Variants in TULP4 observed in about 807,000 individuals in gnomAD.
The protein encoded by TULP4 is TUB like protein 4, also known as tubby-related protein 4.
In TULP4, 16 loss-of-function variants were observed where a neutral mutation model predicts 129.0. The observed-to-expected ratio is 0.12, with a 90% CI of 0.08 to 0.19. The LOEUF is 0.19. TULP4 is among the 10% of genes least tolerant of loss of function. The pLI, the probability that TULP4 is intolerant of heterozygous loss-of-function variation, is 1.00. For synonymous variants in TULP4, 998 were observed against 854.0 expected (o/e 1.17, Z -2.94); for missense variants, 1,842 against 2,059.1 (o/e 0.89, Z 2.04).
At position 158,502,277 on chromosome 6, in the gene TULP4, C is replaced by A. The variant is rs749910397; in HGVS notation, c.2614C>A (p.Leu872Ile). The A allele has an allele frequency of 2.5e-6, 4 of 1,612,184 alleles. No individual in the cohort carries two copies. The highest frequency in any genetic ancestry group is 3.4e-6 in the Non-Finnish European group (4 of 1,179,260). ...DVCLKKGDFSLYPTSVHYQTP... is the reference protein window; with the variant it reads ...DVCLKKGDFSIYPTSVHYQTP... ...GTGCTTGAAGAAGGGCGACTTCTCC[C>A]TCTACCCCACGTCAGTGCACTACCA... The change falls in exon 13 of 14, where the codon CTC becomes ATC. Residue 872 changes from leucine (L) to isoleucine (I), a missense_variant. This residue lies in a region of TULP4 where 1,089 missense variants were observed against 987.1 expected (regional missense o/e 1.10). Coordinates refer to ENST00000367097, the MANE Select transcript of TULP4 (RefSeq NM_020245.5).
intron 1 of TULP4, among the ~76,000 whole-genome samples, chr6:158,378,716 C>A (rs1336560503): frequency 6.6e-6 from 1 of 151,894 alleles, no homozygotes; most frequent in Non-Finnish European, 1.5e-5. Flanking sequence ...ATCTCCTGAC[C>A]TCAGGTGATC....
intron 1 of TULP4, among the ~76,000 whole-genome samples, chr6:158,365,584 C>G (rs1486796875): frequency 6.6e-6 from 1 of 151,390 alleles, no homozygotes; most frequent in Non-Finnish European, 1.5e-5. Context: ...TCACGCCATT[C>G]TCCTGCCTCA....
chr6:158,242,513 G>A, intron 1 of TULP4: 1 of 771,466 alleles, frequency 1.3e-6, no homozygotes, highest in Middle Eastern at 2.4e-4. Flanking sequence ...TCTGCCGGTT[G>A]GTACTTTCTA....
intron 3 of TULP4, among the ~76,000 whole-genome samples, chr6:158,433,159 G>T (rs1035874323): frequency 6.6e-6 from 1 of 152,028 alleles, no homozygotes; most frequent in African/African-American, 2.4e-5. Flanking sequence ...TTTTTAAATT[G>T]ACTTTTTCAT....
At chr6:158,254,959 C>G (rs1398310726) in intron 1 of TULP4, among the ~76,000 whole-genome samples, 1 of 152,220 alleles carries the variant, frequency 6.6e-6, no homozygotes, top group Non-Finnish European at 1.5e-5. Context: ...GTAGTCCCAG[C>G]TACTCAGGAG....
intron 1 of TULP4, among the ~76,000 whole-genome samples, chr6:158,288,484 C>CT (rs976184472): frequency 2.7e-5 from 4 of 149,360 alleles, no homozygotes; most frequent in Non-Finnish European, 4.4e-5. Context: ...AATTTGGAAT[C>CT]TAAAAAAAAA....
At chr6:158,378,485 T>TTGG (rs1554285635) in intron 1 of TULP4, among the ~76,000 whole-genome samples, 17 of 51,394 alleles carry the variant, frequency 3.3e-4, no homozygotes, top group African/African-American at 5.3e-4. Flanking sequence ...TTTTTTTTTT[T>TTGG]GGTGGGGGTG....
intron 1 of TULP4, among the ~76,000 whole-genome samples, chr6:158,365,020 C>T (rs889583896): frequency 6.6e-6 from 1 of 152,054 alleles, no homozygotes; most frequent in Non-Finnish European, 1.5e-5. Flanking sequence ...CAGGCGTGAG[C>T]CACCGCGCCC....
chr6:158,363,053 A>T (rs1562535400), intron 1 of TULP4, among the ~76,000 whole-genome samples: 1 of 105,178 alleles, frequency 9.5e-6, no homozygotes, highest in African/African-American at 4.2e-5. Flanking sequence ...ACAGAGCGAG[A>T]CTCCATCTCA....
rs771377537 is a variant in TULP4, at chr6:158,502,336, C to T, written c.2673C>T (p.Phe891=). The T allele has an allele frequency of 5.6e-5, 90 of 1,613,636 alleles. No homozygotes were observed. Among genetic ancestry groups the T allele is most frequent in the Middle Eastern group, 1.6e-4 (1 of 6,082 alleles). The change falls in exon 13 of 14, where the codon TTC becomes TTT. Residue 891 remains phenylalanine, a synonymous_variant. Coordinates refer to ENST00000367097, the MANE Select transcript of TULP4 (RefSeq NM_020245.5). ...TPLGYERITT[F]DSSGNVEEVC... ...TGGGCTATGAGAGGATCACCACCTT[C>T]GACAGCAGTGGCAACGTGGAGGAGG...
chr6:158,452,323 C>A, intron 5 of TULP4, 55 bp downstream of exon 5: 1 of 1,597,896 alleles, frequency 6.3e-7, no homozygotes. Context: ...GTGTGCTTGC[C>A]TCAAGGCCGG....
In TULP4 at chr6:158,501,915, C is replaced by A. The variant is rs141473493; in HGVS notation, c.2252C>A (p.Ser751Tyr). The stretch of plus-strand genomic sequence containing the variant: ...CAGTACCCAGTCTCCAACCGGTACT[C>A]CAATCCTGGACAGGTGATTTTCGGA... The part of the protein sequence containing the change: ...ATQYPVSNRY[S>Y]NPGQVIFGSV... Residue 751 changes from serine (S) to tyrosine (Y), a missense_variant, in exon 13 of 14, where the codon TCC becomes TAC. Coordinates refer to ENST00000367097, the MANE Select transcript of TULP4 (RefSeq NM_020245.5). 6.2e-7 allele frequency: 1 copy of A among 1,614,026 alleles called. No individual in the cohort carries two copies. Among genetic ancestry groups the A allele is most frequent in the African/African-American group, 1.3e-5 (1 of 74,906 alleles).
At position 158,502,795 on chromosome 6, in the gene TULP4, G is replaced by A. The variant is rs780970827; in HGVS notation, c.3132G>A (p.Gly1044=). The change falls in exon 13 of 14, where the codon GGG becomes GGA. Residue 1044 remains glycine, a synonymous_variant. Coordinates refer to ENST00000367097, the MANE Select transcript of TULP4 (RefSeq NM_020245.5). ...CCTGCAGTCAGTGCAGTGGCACAGG[G>A]CCCAGCTCACAGCCCGGAGCCTCCC... ...LYTCSQCSGT[G]PSSQPGASLA... The A allele has an allele frequency of 6.2e-7, 1 of 1,610,316 alleles. No individual in the cohort carries two copies. Among genetic ancestry groups the A allele is most frequent in the Non-Finnish European group, 8.5e-7 (1 of 1,179,660 alleles).
intron 5 of TULP4, among the ~76,000 whole-genome samples, chr6:158,453,641 T>A (rs1049162531): frequency 7.3e-5 from 11 of 150,896 alleles, no homozygotes; most frequent in Admixed American, 2.0e-4. Context: ...ATACACAAAT[T>A]AGCTGGGCGT....
At position 158,404,506 on chromosome 6, in the gene TULP4, G is replaced by A. The variant is rs149001915; in HGVS notation, c.253-8559G>A. Among the ~76,000 whole-genome samples, 709 of 151,756 alleles carry A rather than the reference G, an allele frequency of 4.7e-3. 8 individuals are homozygous for A. Among genetic ancestry groups the A allele is most frequent in the African/African-American group, 0.016 (657 of 41,360 alleles). On this transcript the variant is annotated intron_variant, in intron 1 of 13. Coordinates refer to ENST00000367097, the MANE Select transcript of TULP4 (RefSeq NM_020245.5). ...AAATGCCTGTGAATTGGCCAGGTGC[G>A]GTGGCTCAGGCCTGTAATCCCAGCA...
intron 1 of TULP4, among the ~76,000 whole-genome samples, chr6:158,284,751 G>T (rs1044273489): frequency 1.3e-5 from 2 of 152,198 alleles, no homozygotes; most frequent in Non-Finnish European, 2.9e-5. Context: ...CTGGTGCTTG[G>T]CTGGTCCCAG....
At chr6:158,496,882 C>G (rs1218563664) in intron 11 of TULP4, among the ~76,000 whole-genome samples, 1 of 152,168 alleles carries the variant, frequency 6.6e-6, no homozygotes, top group Non-Finnish European at 1.5e-5. Context: ...GGGCCTGGCT[C>G]TGTCACCCAT....
upstream of TULP4, among the ~76,000 whole-genome samples, chr6:158,311,320 G>C (rs143789305): frequency 3.2e-3 from 483 of 152,184 alleles, 2 homozygotes; most frequent in African/African-American, 0.011. Context: ...AGAGTCTGCT[G>C]AATTTGAGAA....
At chr6:158,467,653 T>C (rs533841732) in intron 6 of TULP4, among the ~76,000 whole-genome samples, 1 of 152,326 alleles carries the variant, frequency 6.6e-6, no homozygotes, top group South Asian at 2.1e-4. Flanking sequence ...GATCAGTAGC[T>C]TCTTACTATC....
Sources: allele counts gnomAD v4.1 joint callset (sites outside exome capture counted in the v4.1 genomes callset), GRCh38; gene constraint gnomAD v4.1.1; regional missense constraint gnomAD v4.1.1; transcripts MANE v1.5; gene names NCBI Gene and HGNC (gene_info 2026-07-23, HGNC 2026-07-21).